ECHDC2: variants seen among roughly 807,000 people sequenced by gnomAD.
ECHDC2 encodes enoyl-CoA hydratase domain-containing protein 2, mitochondrial.
ECHDC2 carries 34 observed loss-of-function variants against 40.6 expected under a neutral mutation model. That is an observed-to-expected ratio of 0.84 (90% CI 0.64 to 1.11). ECHDC2 has a LOEUF of 1.11. Among genes scored for constraint, ECHDC2 ranks in the 50% most tolerant of loss-of-function variants. ECHDC2 has a pLI of 0.00. For synonymous variants in ECHDC2, 162 were observed against 166.6 expected, an observed-to-expected ratio of 0.97 and a Z score of 0.21; for missense variants, 392 against 400.7, an observed-to-expected ratio of 0.98 and a Z score of 0.19.
intron 9 of ECHDC2, 102 bp downstream of exon 9, chr1:52,897,335 G>T (rs1646701332): frequency 8.5e-7 from 1 of 1,171,440 alleles, no homozygotes; most frequent in Non-Finnish European, 1.3e-6. Flanking sequence ...CAGACTGTTT[G>T]TGTTGAGAAG....
rs200830326 is a variant in ECHDC2 at position 52,907,910 on chromosome 1, C to G, written c.322G>C (p.Gly108Arg). The change falls in exon 4 of 10, where the codon GGG becomes CGG. Residue 108 changes from glycine to arginine, a missense_variant. Gly to Arg is a moderately radical substitution (Grantham distance 125). Transcript: ENST00000371522. ...CCCCGGAGTCGCTGGACAAACACCC[C>G]CACCTCTGCTTCACTCATCTGTTCC... ...EREQMSEAEV[G>R]VFVQRLRGLM... 1 of 1,614,110 alleles carries G rather than the reference C, an allele frequency of 6.2e-7. No homozygotes were observed. The highest frequency in any genetic ancestry group is 2.2e-5 in the East Asian group (1 of 44,866).
chr1:52,920,237 A>G (rs922237838), intron 1 of ECHDC2, among the ~76,000 whole-genome samples: 4 of 152,042 alleles, frequency 2.6e-5, no homozygotes, highest in Non-Finnish European at 5.9e-5. Context: ...GTGCAGTGGG[A>G]CTCTAGGTGG....
intron 1 of ECHDC2, 196 bp downstream of exon 1, chr1:52,921,357 G>T (rs921329669): frequency 3.8e-6 from 5 of 1,303,098 alleles, no homozygotes; most frequent in African/African-American, 1.5e-5. Context: ...GAGGCCCCCC[G>T]CCCCCAGCTA....
Position 52,899,240 on chromosome 1 carries a change from AAG to A in ECHDC2, c.703-18_703-17del. ...CAATGGGGGCCTAGGGAAAAGCAAA[AAG>A]TCTTGGTTGAGGAGGGCATCAAGGC... is the stretch of plus-strand genomic sequence containing the variant. On this transcript the variant is annotated splice_polypyrimidine_tract_variant and intron_variant, in intron 7 of 9. Transcript: ENST00000371522. 1 of 1,612,660 alleles carries A rather than the reference AAG, an allele frequency of 6.2e-7. No homozygotes were observed.
In ECHDC2 at chr1:52,921,551, A is replaced by C; in HGVS notation, c.121+2T>G. 6.2e-7 allele frequency: 1 copy of C among 1,608,514 alleles called. No individual in the cohort carries two copies. Among genetic ancestry groups the C allele is most frequent in the Non-Finnish European group, 8.5e-7 (1 of 1,178,136 alleles). ...TGCGCCGCCCCGGAACTGCACATTTACCTTGGTCCGGACCCGCCAGGGCGC... is the reference window on the plus strand; with the variant it reads ...TGCGCCGCCCCGGAACTGCACATTTCCCTTGGTCCGGACCCGCCAGGGCGC... On this transcript the variant is annotated splice_donor_variant, in intron 1 of 9. Coordinates refer to ENST00000371522, the MANE Select transcript of ECHDC2 (RefSeq NM_001198961.2). LOFTEE classifies it high-confidence loss of function.
chr1:52,904,984 G>T, intron 6 of ECHDC2, 50 bp downstream of exon 6: 1 of 1,612,080 alleles, frequency 6.2e-7, no homozygotes, highest in Non-Finnish European at 8.5e-7. Context: ...GGAAAGCAGC[G>T]AAGGACCCTG....
intron 7 of ECHDC2, among the ~76,000 whole-genome samples, chr1:52,903,886 T>G (rs1647169223): frequency 2.0e-5 from 3 of 151,796 alleles, no homozygotes; most frequent in Non-Finnish European, 4.4e-5. Context: ...GGCGCGATCT[T>G]GGCTCACTGC....
At chr1:52,908,988 G>T (rs1357057105) in intron 3 of ECHDC2, among the ~76,000 whole-genome samples, 1 of 149,982 alleles carries the variant, frequency 6.7e-6, no homozygotes, top group East Asian at 1.9e-4. Flanking sequence ...TTCTCCTGAG[G>T]AGATACACAG....
chr1:52,903,819 TTC>T (rs892326977), intron 7 of ECHDC2, among the ~76,000 whole-genome samples: 5 of 150,460 alleles, frequency 3.3e-5, no homozygotes, highest in African/African-American at 1.2e-4. Context: ...CTTTCTTTCT[TTC>T]TTTTTTTTTT....
chr1:52,911,660 AG>A lies in ECHDC2; in HGVS notation c.190-8del. On this transcript the variant is annotated splice_polypyrimidine_tract_variant and splice_region_variant and intron_variant, in intron 2 of 9. Transcript: ENST00000371522. The stretch of plus-strand genomic sequence containing the variant: ...GGGCCAGAGTTTCCAGCAGCTACAG[AG>A]GACACCCAGTTAGATAGTGCCAGCC... 1 of 1,614,090 alleles carries A rather than the reference AG, an allele frequency of 6.2e-7. No individual in the cohort carries two copies. The highest frequency in any genetic ancestry group is 2.2e-5 in the East Asian group (1 of 44,900).
At chr1:52,903,352 G>C (rs1028825004) in intron 7 of ECHDC2, among the ~76,000 whole-genome samples, 6 of 152,038 alleles carry the variant, frequency 3.9e-5, no homozygotes, top group Admixed American at 2.0e-4. Context: ...TTGGTGCACC[G>C]TACCCAACGT....
chr1:52,906,052 C>T (rs1473090384), intron 5 of ECHDC2: 2 of 329,726 alleles, frequency 6.1e-6, no homozygotes. Flanking sequence ...TATCCCCTCC[C>T]ATTCTTCAAA....
rs748738397 is a variant in ECHDC2, at chr1:52,904,872, G to C, written c.515-39C>G. 13 of 1,600,472 alleles carry C rather than the reference G, an allele frequency of 8.1e-6. No homozygotes were observed. In the African/African-American group the frequency reaches 1.7e-4, roughly 21 times the overall value. On this transcript the variant is annotated intron_variant, in intron 6 of 9. Transcript: ENST00000371522. Reference sequence around the variant, plus strand: ...GGGAGCAGGGTGGGAATCAGCATGGGAAGTGGGAACCCAGAGAAGGCTCAG... The same window carrying C: ...GGGAGCAGGGTGGGAATCAGCATGGCAAGTGGGAACCCAGAGAAGGCTCAG...
At chr1:52,896,699 G>A (rs1646655831) in intron 9 of ECHDC2, 102 bp from the exon 10 acceptor site, 2 of 927,886 alleles carry the variant, frequency 2.2e-6, no homozygotes, top group Non-Finnish European at 1.7e-6. Context: ...GGGTCCAAGT[G>A]TTTCCATTGT....
intron 1 of ECHDC2, chr1:52,912,104 A>G (rs952482757): frequency 1.6e-6 from 2 of 1,216,438 alleles, no homozygotes; most frequent in Non-Finnish European, 2.1e-6. Context: ...ACAGACAGAC[A>G]CACACACACA....
intron 1 of ECHDC2, chr1:52,920,360 C>A: frequency 1.5e-6 from 1 of 675,348 alleles, no homozygotes; most frequent in Non-Finnish European, 2.6e-6. Flanking sequence ...GTTGTCAAGC[C>A]GGTAAAAAGG....
intron 1 of ECHDC2, among the ~76,000 whole-genome samples, chr1:52,915,656 C>A (rs890812137): frequency 2.0e-5 from 3 of 152,190 alleles, no homozygotes; most frequent in Non-Finnish European, 4.4e-5. Flanking sequence ...CTGACCCCCA[C>A]AAACTTCAGA....
At chr1:52,897,739 C>T (rs545333732) in intron 8 of ECHDC2, 12 of 570,040 alleles carry the variant, frequency 2.1e-5, no homozygotes, top group South Asian at 4.0e-5. Flanking sequence ...TCCTGTCACC[C>T]GTTAATTTCT....
At chr1:52,899,419 C>T in intron 7 of ECHDC2, 195 bp from the exon 8 acceptor site, 1 of 602,296 alleles carries the variant, frequency 1.7e-6, no homozygotes, top group South Asian at 2.1e-5. Context: ...AGAAGCCAGA[C>T]TCTGATCCCT....
Sources: gnomAD v4.1 joint callset for allele counts (sites outside exome capture counted in the v4.1 genomes callset) on GRCh38, gnomAD v4.1.1 for gene constraint, MANE v1.5 for transcripts, NCBI Gene and HGNC (gene_info 2026-07-23, HGNC 2026-07-21) for gene names.